The following CASP5 variants were observed in gnomAD, a reference collection of about 807,000 sequenced individuals.
The protein encoded by CASP5 is caspase-5.
CASP5 carries 42 observed loss-of-function variants against 45.2 expected under a neutral mutation model. That is an observed-to-expected ratio of 0.93 (90% CI 0.73 to 1.20). The LOEUF (loss-of-function observed/expected upper bound fraction) is 1.20. CASP5 is among the 50% of genes most tolerant of loss of function. The pLI is 0.00. For synonymous variants in CASP5, 209 were observed against 186.2 expected, an observed-to-expected ratio of 1.12 and a Z score of -1.00; for missense variants, 512 against 532.2, an observed-to-expected ratio of 0.96 and a Z score of 0.37.
At chr11:105,018,227 A>C (rs1220554097) in intron 1 of CASP5, among the ~76,000 whole-genome samples, 10 of 151,522 alleles carry the variant, frequency 6.6e-5, no homozygotes, top group Non-Finnish European at 1.2e-4. Context: ...GACCATCGAG[A>C]CTAGGAAGAA....
rs1249447848 is a variant in CASP5 at position 105,002,028 on chromosome 11, C to A, written c.717G>T (p.Arg239Ser). The stretch of plus-strand genomic sequence containing the variant: ...TGTGAGATGGCTTAGGGGTTCTTAC[C>A]CTGGCTGTGAGATTCTTTTCGTCAA... ...TVVDEKNLTA[R>S]DMESVLRAFA... is the part of the protein sequence containing the mutation. The change falls in exon 5 of 10, where the codon AGG (arginine) becomes AGT (serine). Residue 239 changes from arginine (R) to serine (S), a missense_variant and splice_region_variant. Physicochemically the swap from Arg to Ser is moderately radical, Grantham distance 110 (BLOSUM62 -1). Coordinates refer to ENST00000260315, the MANE Select transcript of CASP5 (RefSeq NM_004347.5). 6.2e-7 allele frequency: 1 copy of A among 1,613,664 alleles called. No homozygotes were observed. The highest frequency in any genetic ancestry group is 1.7e-4 in the Middle Eastern group (1 of 6,054).
At chr11:104,995,055 T>C (rs1861392448) in intron 9 of CASP5, 2 of 152,414 alleles carry the variant, frequency 1.3e-5, no homozygotes, top group Admixed American at 1.3e-4. Context: ...GGGAGAAGCC[T>C]GGCCCCTCCT....
chr11:105,000,360 C>T lies in CASP5; in HGVS notation c.853G>A (p.Val285Met), dbSNP rs765847173. ...GTAHKKKKPD[V>M]LLYDTIFQIF... is the part of the protein sequence containing the mutation. ...TGGAAGATGGTGTCATAAAGCAGCA[C>T]ATCCGGTTTTTTCTTTTTATGCGCA... The change falls in exon 6 of 10, where the codon GTG becomes ATG. Residue 285 changes from valine (V) to methionine (M), a missense_variant. Coordinates refer to ENST00000260315, the MANE Select transcript of CASP5 (RefSeq NM_004347.5). 1.2e-6 allele frequency: 2 copies of T among 1,614,198 alleles called. No individual in the cohort carries two copies. Among genetic ancestry groups the T allele is most frequent in the Non-Finnish European group, 1.7e-6 (2 of 1,180,026 alleles).
At chr11:105,015,710 T>A (rs956294608) in intron 1 of CASP5, among the ~76,000 whole-genome samples, 1 of 151,668 alleles carries the variant, frequency 6.6e-6, no homozygotes, top group Non-Finnish European at 1.5e-5. Flanking sequence ...GAATTTGACT[T>A]ACTCCTCCCT....
At position 105,019,016 on chromosome 11, in the gene CASP5, C is replaced by T. The variant is rs183940828; in HGVS notation, c.7+4114G>A. On this transcript the variant is annotated intron_variant, in intron 1 of 9. Transcript: ENST00000260315. ...ATTAAGAATCTCACTCAAAACCACT[C>T]AACTACATGGAAACTGAACAACCTG... Among the ~76,000 whole-genome samples, 5 of 146,772 alleles carry T rather than the reference C, an allele frequency of 3.4e-5. No individual in the cohort carries two copies. The East Asian group carries it at 9.6e-4, about 28-fold the overall frequency.
chr11:105,010,226 T>C (rs1462480765), intron 1 of CASP5, among the ~76,000 whole-genome samples: 1 of 151,002 alleles, frequency 6.6e-6, no homozygotes, highest in African/African-American at 2.4e-5. Flanking sequence ...GAAAGACACA[T>C]GGAAGTTACA....
intron 8 of CASP5, 33 bp from the exon 9 acceptor site, chr11:104,995,875 GATTT>G: frequency 7.9e-7 from 1 of 1,262,676 alleles, no homozygotes; most frequent in Non-Finnish European, 1.2e-6. Flanking sequence ...AGATATGAGG[GATTT>G]TGGGTTCTCA....
intron 1 of CASP5, among the ~76,000 whole-genome samples, chr11:105,011,710 T>C (rs1388273191): frequency 6.6e-6 from 1 of 151,606 alleles, no homozygotes; most frequent in Non-Finnish European, 1.5e-5. Context: ...AAAAATTTCA[T>C]GAAATAATAA....
Position 105,016,866 on chromosome 11 carries a change from C to T in CASP5, c.7+6264G>A, listed in dbSNP as rs1365517783. Among the ~76,000 whole-genome samples the T allele has an allele frequency of 2.2e-4, 33 of 151,778 alleles. 1 individual carries two copies. Among genetic ancestry groups the T allele is most frequent in the Non-Finnish European group, 7.4e-5 (5 of 67,938 alleles). ...CCTCTGGGGGCAGGGCACAGACAAACAAAAAGACAGCAGTAACCTCTGCAG... is the reference window on the plus strand; with the variant it reads ...CCTCTGGGGGCAGGGCACAGACAAATAAAAAGACAGCAGTAACCTCTGCAG... On this transcript the variant is annotated intron_variant, in intron 1 of 9. Coordinates refer to ENST00000260315, the MANE Select transcript of CASP5 (RefSeq NM_004347.5).
chr11:105,021,589 G>A (rs1862965831), intron 1 of CASP5, among the ~76,000 whole-genome samples: 2 of 149,520 alleles, frequency 1.3e-5, no homozygotes, highest in Admixed American at 1.4e-4. Flanking sequence ...TCAGAGAAAT[G>A]CAAATCAAAA....
intron 8 of CASP5, among the ~76,000 whole-genome samples, chr11:104,996,220 T>C (rs963168911): frequency 2.0e-5 from 3 of 152,164 alleles, no homozygotes; most frequent in Admixed American, 1.3e-4. Flanking sequence ...TAAGGAGAAT[T>C]AAATCCCAGA....
chr11:105,012,737 A>T (rs1405233760), intron 1 of CASP5, among the ~76,000 whole-genome samples: 1 of 119,760 alleles, frequency 8.4e-6, no homozygotes, highest in Non-Finnish European at 1.9e-5. Context: ...GAATGATTAG[A>T]ATGGGTATTA....
At chr11:104,998,117 TAGAG>T (rs1169584025) in intron 7 of CASP5, among the ~76,000 whole-genome samples, 2 of 152,182 alleles carry the variant, frequency 1.3e-5, no homozygotes, top group South Asian at 2.1e-4. Context: ...TAATAATAAA[TAGAG>T]AGCTGGAGGA....
chr11:105,019,031 T>A (rs1295000861), intron 1 of CASP5, among the ~76,000 whole-genome samples: 2 of 146,114 alleles, frequency 1.4e-5, no homozygotes, highest in African/African-American at 2.5e-5. Context: ...ACATGGAAAC[T>A]GAACAACCTG....
chr11:105,000,926 T>C (rs1263794587), intron 5 of CASP5, among the ~76,000 whole-genome samples: 2 of 152,228 alleles, frequency 1.3e-5, no homozygotes, highest in African/African-American at 4.8e-5. Context: ...TCTGTTCTGC[T>C]TCAATCTCTA....
At chr11:105,014,943 G>T (rs903782492) in intron 1 of CASP5, among the ~76,000 whole-genome samples, 3 of 152,216 alleles carry the variant, frequency 2.0e-5, no homozygotes, top group Non-Finnish European at 2.9e-5. Context: ...AGACTAGGAG[G>T]AATTTGCCCC....
At chr11:105,013,603 T>C (rs1862454011) in intron 1 of CASP5, among the ~76,000 whole-genome samples, 1 of 152,074 alleles carries the variant, frequency 6.6e-6, no homozygotes, top group African/African-American at 2.4e-5. Flanking sequence ...CTTTTCATAA[T>C]CTATAAATTC....
chr11:105,001,853 A>G (rs2134702256), intron 5 of CASP5, among the ~76,000 whole-genome samples, 175 bp downstream of exon 5: 1 of 152,256 alleles, frequency 6.6e-6, no homozygotes, highest in South Asian at 2.1e-4. Context: ...AGAGACACTG[A>G]TTTATGTGTT....
At position 104,997,492 on chromosome 11, in the gene CASP5, T is replaced by C; in HGVS notation, c.1097A>G (p.His366Arg). The change falls in exon 8 of 10, where the codon CAT (histidine) becomes CGT (arginine). Residue 366 changes from histidine (H) to arginine (R), a missense_variant and splice_region_variant. His to Arg is a conservative substitution (Grantham distance 29). Transcript: ENST00000260315. ...TGTGCGGTCTCTCCAGGACACGTTA[T>C]CTATGATGATACAGCCTGGTATGCC... ...DFIAFCSSTP[H>R]NVSWRDRTRG... 6.3e-7 allele frequency: 1 copy of C among 1,595,862 alleles called. No individual in the cohort carries two copies. Among genetic ancestry groups the C allele is most frequent in the Non-Finnish European group, 8.6e-7 (1 of 1,164,304 alleles).
Sources: allele counts gnomAD v4.1 joint callset (sites outside exome capture counted in the v4.1 genomes callset), GRCh38; gene constraint gnomAD v4.1.1; transcripts MANE v1.5; gene names NCBI Gene and HGNC (gene_info 2026-07-23, HGNC 2026-07-21).